The following ITPR2 variants were observed in gnomAD, a reference collection of about 807,000 sequenced individuals.
The protein encoded by ITPR2 is inositol 1,4,5-trisphosphate receptor type 2.
A neutral mutation model predicts 317.1 loss-of-function variants in ITPR2; 207 were observed. That is an observed-to-expected ratio of 0.65 (90% CI 0.58 to 0.73). ITPR2 has a LOEUF of 0.73. Ranked by LOEUF, ITPR2 falls within the 30% of genes least tolerant of loss-of-function variation. ITPR2 has a pLI of 0.00. For synonymous variants in ITPR2, 1,156 were observed against 1,149.1 expected (o/e 1.01, Z -0.12); for missense variants, 2,613 against 3,284.0 (o/e 0.80, Z 4.99).
intron 37 of ITPR2, among the ~76,000 whole-genome samples, chr12:26,524,562 T>G (rs934896918): frequency 3.3e-5 from 5 of 152,170 alleles, no homozygotes; most frequent in Non-Finnish European, 7.4e-5. Flanking sequence ...ATACAATACA[T>G]GCTAAACAAA....
At position 26,632,004 on chromosome 12, in the gene ITPR2, T is replaced by C; in HGVS notation, c.2796A>G (p.Val932=). 1 of 1,610,068 alleles carries C rather than the reference T, an allele frequency of 6.2e-7. No individual in the cohort carries two copies. Among genetic ancestry groups the C allele is most frequent in the Non-Finnish European group, 8.5e-7 (1 of 1,178,434 alleles). The change falls in exon 22 of 57, where the codon GTA becomes GTG. Residue 932 remains valine, a synonymous_variant. Coordinates refer to ENST00000381340, the MANE Select transcript of ITPR2 (RefSeq NM_002223.4). ...TGGGGAAGATGGAGCCTCTACTGAG[T>C]ACCATCTGGGTCATCATCTCTCCCA... The part of the protein sequence containing the change: ...HGVGEMMTQM[V]LSRGSIFPMS...
chr12:26,342,531 A>C (rs1183930908), intron 55 of ITPR2, among the ~76,000 whole-genome samples: 10 of 127,604 alleles, frequency 7.8e-5, no homozygotes, highest in Non-Finnish European at 1.1e-4. Flanking sequence ...CAGATCCCTC[A>C]GGAATTGGCT....
intron 11 of ITPR2, among the ~76,000 whole-genome samples, chr12:26,686,003 C>T (rs1948117816): frequency 1.3e-5 from 2 of 152,064 alleles, no homozygotes; most frequent in Non-Finnish European, 1.5e-5. Context: ...TGCCTGTCTC[C>T]CCCATTTGAA....
At chr12:26,493,515 A>G (rs1942858800) in intron 39 of ITPR2, among the ~76,000 whole-genome samples, 1 of 152,218 alleles carries the variant, frequency 6.6e-6, no homozygotes, top group South Asian at 2.1e-4. Flanking sequence ...TAGGGTGGCC[A>G]TAATTAACCA....
At position 26,684,847 on chromosome 12, in the gene ITPR2, T is replaced by C. The variant is rs909396029; in HGVS notation, c.1148+1634A>G. 1.7e-4 allele frequency among the ~76,000 whole-genome samples: 26 copies of C among 151,956 alleles called. 1 individual carries two copies. The highest frequency in any genetic ancestry group is 1.5e-4 in the African/African-American group (6 of 41,354). On this transcript the variant is annotated intron_variant, in intron 11 of 56. Transcript: ENST00000381340. ...AAAATAAGTAAAGTCATAGTAAGGA[T>C]TGATTAAGGTCCCAGTCCTGGGAGG...
At chr12:26,467,844 G>A (rs1942204427) in intron 45 of ITPR2, among the ~76,000 whole-genome samples, 5 of 152,116 alleles carry the variant, frequency 3.3e-5, no homozygotes, top group Non-Finnish European at 7.4e-5. Context: ...AAGATTCTTA[G>A]TTGCTCAGTG....
At chr12:26,459,947 C>T (rs1210879744) in intron 45 of ITPR2, among the ~76,000 whole-genome samples, 1 of 152,212 alleles carries the variant, frequency 6.6e-6, no homozygotes, top group Non-Finnish European at 1.5e-5. Context: ...CACAAGCCTC[C>T]TCTATCTCCA....
chr12:26,454,000 A>G (rs943403436), intron 45 of ITPR2, among the ~76,000 whole-genome samples: 2 of 152,038 alleles, frequency 1.3e-5, no homozygotes, highest in Non-Finnish European at 2.9e-5. Context: ...TATTTTTTGG[A>G]TGGATAGATG....
intron 2 of ITPR2, among the ~76,000 whole-genome samples, chr12:26,745,892 C>T (rs573469841): frequency 2.5e-4 from 38 of 152,066 alleles, no homozygotes; most frequent in Middle Eastern, 6.8e-3. Context: ...AAAATTGAAA[C>T]CTCATTTTTC....
intron 11 of ITPR2, among the ~76,000 whole-genome samples, chr12:26,684,620 T>C (rs1057430683): frequency 6.6e-6 from 1 of 152,204 alleles, no homozygotes; most frequent in African/African-American, 2.4e-5. Flanking sequence ...GATGAATCGA[T>C]GTTAATACAA....
rs757919423 is a variant in ITPR2 at position 26,475,354 on chromosome 12, C to G, written c.6284G>C (p.Gly2095Ala). The change falls in exon 45 of 57, where the codon GGA (glycine) becomes GCA (alanine). Residue 2095 changes from glycine (G) to alanine (A), a missense_variant. Gly to Ala is a moderately conservative substitution (Grantham distance 60). Transcript: ENST00000381340. Reference protein sequence around the residue: ...LECDHGDDEGGDDGVSPKDVG... With the variant: ...LECDHGDDEGADDGVSPKDVG... ...ATCTTTTGGAGAAACACCATCATCT[C>G]CACCCTCATCATCCCCATGGTCACA... is the stretch of plus-strand genomic sequence containing the variant. 2 of 1,613,828 alleles carry G rather than the reference C, an allele frequency of 1.2e-6. No homozygotes were observed. Among genetic ancestry groups the G allele is most frequent in the Admixed American group, 3.3e-5 (2 of 60,022 alleles).
chr12:26,583,778 GA>G (rs1186819624), intron 32 of ITPR2, among the ~76,000 whole-genome samples: 1 of 151,840 alleles, frequency 6.6e-6, no homozygotes, highest in Non-Finnish European at 1.5e-5. Flanking sequence ...ATACTCCATG[GA>G]TTTTTAAAAA....
intron 37 of ITPR2, among the ~76,000 whole-genome samples, chr12:26,543,408 A>G (rs1249909908): frequency 1.3e-5 from 2 of 151,920 alleles, no homozygotes; most frequent in South Asian, 2.1e-4. Flanking sequence ...AGAGAGAGAG[A>G]GGAGAGAGAG....
intron 2 of ITPR2, among the ~76,000 whole-genome samples, chr12:26,787,323 A>C (rs1005564958): frequency 5.3e-5 from 8 of 152,250 alleles, no homozygotes; most frequent in African/African-American, 1.9e-4. Flanking sequence ...CTGGAGGTAG[A>C]AAATGAGAGT....
chr12:26,715,281 C>CA lies in ITPR2; in HGVS notation c.855+17dup, dbSNP rs1371752824. On this transcript the variant is annotated intron_variant, in intron 8 of 56. Coordinates refer to ENST00000381340, the MANE Select transcript of ITPR2 (RefSeq NM_002223.4). The stretch of plus-strand genomic sequence containing the variant: ...TTTGATCTAAATATTTATTAAGTGC[C>CA]AAAAAACATTTACATACCTCTATTT... 2 of 1,596,110 alleles carry CA rather than the reference C, an allele frequency of 1.3e-6. No homozygotes were observed. Among genetic ancestry groups the CA allele is most frequent in the Non-Finnish European group, 1.7e-6 (2 of 1,171,214 alleles).
intron 45 of ITPR2, among the ~76,000 whole-genome samples, chr12:26,469,301 T>C (rs1942245556): frequency 6.6e-6 from 1 of 152,170 alleles, no homozygotes; most frequent in African/African-American, 2.4e-5. Context: ...GAACTGTAGG[T>C]GATTAGTGTA....
intron 1 of ITPR2, among the ~76,000 whole-genome samples, chr12:26,832,329 G>A (rs1338542269): frequency 6.6e-6 from 1 of 152,222 alleles, no homozygotes; most frequent in African/African-American, 2.4e-5. Context: ...GTGGAAAAGG[G>A]GGGTGTTTTG....
At chr12:26,722,315 T>C (rs1452359518) in intron 5 of ITPR2, 82 bp downstream of exon 5, 4 of 1,259,336 alleles carry the variant, frequency 3.2e-6, no homozygotes, top group East Asian at 4.8e-5. Context: ...TTTTCTTTTT[T>C]GTACTTTCTG....
intron 23 of ITPR2, among the ~76,000 whole-genome samples, chr12:26,627,027 A>G (rs1419224098): frequency 2.0e-5 from 3 of 152,246 alleles, no homozygotes; most frequent in African/African-American, 7.2e-5. Context: ...TTTTACAATC[A>G]TAACTGTGCT....
Sources: gnomAD v4.1 joint callset for allele counts (sites outside exome capture counted in the v4.1 genomes callset) on GRCh38, gnomAD v4.1.1 for gene constraint, MANE v1.5 for transcripts, NCBI Gene and HGNC (gene_info 2026-07-23, HGNC 2026-07-21) for gene names.